The following PEBP4 variants were observed in gnomAD, a reference collection of about 807,000 sequenced individuals.
The protein encoded by PEBP4 is phosphatidylethanolamine-binding protein 4.
A neutral mutation model predicts 23.9 loss-of-function variants in PEBP4; 22 were observed. The observed-to-expected ratio is 0.92, with a 90% confidence interval of 0.66 to 1.31. The LOEUF (loss-of-function observed/expected upper bound fraction) is 1.31. Among genes scored for constraint, PEBP4 ranks in the 40% most tolerant of loss-of-function variants. The pLI, the probability that PEBP4 is intolerant of heterozygous loss-of-function variation, is 0.00. For missense variants in PEBP4, 324 were observed against 281.7 expected, an observed-to-expected ratio of 1.15 and a Z score of -1.07; for synonymous variants, 112 against 99.3, an observed-to-expected ratio of 1.13 and a Z score of -0.76.
intron 3 of PEBP4, among the ~76,000 whole-genome samples, chr8:22,897,376 A>T (rs1017044406): frequency 6.6e-6 from 1 of 152,186 alleles, no homozygotes; most frequent in African/African-American, 2.4e-5. Context: ...TGCTTGTCGA[A>T]GGAGAAGAGA....
At chr8:22,781,942 C>A (rs1239538632) in intron 4 of PEBP4, among the ~76,000 whole-genome samples, 1 of 152,230 alleles carries the variant, frequency 6.6e-6, no homozygotes, top group Admixed American at 6.5e-5. Context: ...ACCCACTCTG[C>A]CACCGTTCCC....
chr8:22,805,589 G>C (rs1047534186), intron 4 of PEBP4, among the ~76,000 whole-genome samples: 2 of 152,136 alleles, frequency 1.3e-5, no homozygotes, highest in African/African-American at 4.8e-5. Context: ...GCCTCCCAAA[G>C]TGCTGGGACT....
At chr8:22,719,043 C>T (rs1193523149) in intron 6 of PEBP4, among the ~76,000 whole-genome samples, 2 of 152,148 alleles carry the variant, frequency 1.3e-5, no homozygotes, top group Non-Finnish European at 2.9e-5. Context: ...AGACTTCAAC[C>T]CCCTATGTGG....
intron 3 of PEBP4, among the ~76,000 whole-genome samples, chr8:22,871,713 C>G (rs1808011260): frequency 6.6e-6 from 1 of 151,934 alleles, no homozygotes; most frequent in Admixed American, 6.6e-5. Flanking sequence ...TGCCACCATG[C>G]CCAGCTAATT....
At chr8:22,876,017 C>A (rs986876103) in intron 3 of PEBP4, among the ~76,000 whole-genome samples, 1 of 143,844 alleles carries the variant, frequency 7.0e-6, no homozygotes, top group African/African-American at 2.7e-5. Context: ...TCAAGTGATT[C>A]TTGCACTTCA....
intron 1 of PEBP4, among the ~76,000 whole-genome samples, chr8:22,937,177 T>C (rs752909102): frequency 6.6e-5 from 10 of 152,180 alleles, no homozygotes; most frequent in Non-Finnish European, 1.3e-4. Flanking sequence ...ATGACAATCT[T>C]ACATATAGAA....
At position 22,926,727 on chromosome 8, in the gene PEBP4, C is replaced by T. The variant is rs547492423; in HGVS notation, c.131+857G>A. 1.4e-4 allele frequency among the ~76,000 whole-genome samples: 21 copies of T among 152,242 alleles called. No individual in the cohort carries two copies. In the South Asian group the frequency reaches 2.5e-3, roughly 18 times the overall value. On this transcript the variant is annotated intron_variant, in intron 2 of 6. Transcript: ENST00000256404. ...TTATGGTTCTAAAAGTAATGTTTGT[C>T]AAAAATGTTTTAAATAAAATTAAAA...
intron 3 of PEBP4, among the ~76,000 whole-genome samples, chr8:22,866,626 C>A (rs929654249): frequency 1.3e-5 from 2 of 151,682 alleles, no homozygotes; most frequent in African/African-American, 4.9e-5. Flanking sequence ...AACTATATAG[C>A]CTTAAGGGGG....
At chr8:22,870,295 A>G (rs1017941801) in intron 3 of PEBP4, among the ~76,000 whole-genome samples, 1 of 152,262 alleles carries the variant, frequency 6.6e-6, no homozygotes, top group African/African-American at 2.4e-5. Flanking sequence ...GACGCAGAGG[A>G]ATCTTAAATG....
intron 4 of PEBP4, among the ~76,000 whole-genome samples, chr8:22,730,005 T>C (rs568099664): frequency 1.1e-4 from 16 of 152,238 alleles, no homozygotes; most frequent in Non-Finnish European, 1.9e-4. Context: ...AAATCCAGAA[T>C]GTTCAAGGAG....
rs190240037 is a variant in PEBP4, at chr8:22,823,067, G to C, written c.259-5332C>G. 4.3e-4 allele frequency among the ~76,000 whole-genome samples: 66 copies of C among 152,020 alleles called. 1 individual carries two copies. The highest frequency in any genetic ancestry group is 1.5e-3 in the African/African-American group (64 of 41,546). ...TTTTGGAGATATTAACATATCTTAA[G>C]CTACAATAATTAGAACAATATGGTG... On this transcript the variant is annotated intron_variant, in intron 3 of 6. Transcript: ENST00000256404.
chr8:22,726,231 A>G (rs1391590639), intron 5 of PEBP4, among the ~76,000 whole-genome samples: 1 of 152,156 alleles, frequency 6.6e-6, no homozygotes, highest in Admixed American at 6.5e-5. Flanking sequence ...GCTGAGAAAG[A>G]CTTCTGAGCA....
intron 3 of PEBP4, among the ~76,000 whole-genome samples, chr8:22,820,892 T>C (rs1413359564): frequency 2.6e-5 from 4 of 152,192 alleles, no homozygotes; most frequent in African/African-American, 7.2e-5. Context: ...GCAACTCATA[T>C]AATCAAATGT....
At chr8:22,922,767 A>C (rs1809237491) in intron 2 of PEBP4, among the ~76,000 whole-genome samples, 1 of 151,516 alleles carries the variant, frequency 6.6e-6, no homozygotes, top group Admixed American at 6.6e-5. Context: ...CAAAGGTGCC[A>C]CCTTCCTGTG....
intron 3 of PEBP4, among the ~76,000 whole-genome samples, chr8:22,905,734 C>T (rs1808798203): frequency 2.0e-5 from 3 of 152,210 alleles, no homozygotes; most frequent in Admixed American, 6.5e-5. Flanking sequence ...CTGCTGCTCC[C>T]ACCTCACAGG....
intron 3 of PEBP4, among the ~76,000 whole-genome samples, chr8:22,915,001 T>C (rs933586318): frequency 3.3e-5 from 5 of 152,054 alleles, no homozygotes; most frequent in Non-Finnish European, 7.4e-5. Context: ...AGAAATTATA[T>C]ACTCAACCTC....
chr8:22,737,286 C>G (rs111680057), intron 4 of PEBP4, among the ~76,000 whole-genome samples: 3 of 133,620 alleles, frequency 2.2e-5, no homozygotes, highest in African/African-American at 9.0e-5. Flanking sequence ...AGAGTTGAGA[C>G]TCCGTCTCAA....
intron 3 of PEBP4, among the ~76,000 whole-genome samples, chr8:22,823,235 G>A (rs748558011): frequency 2.4e-4 from 37 of 151,842 alleles, no homozygotes; most frequent in Non-Finnish European, 3.5e-4. Context: ...CAGATCAGTG[G>A]GGAAAAAATA....
intron 4 of PEBP4, among the ~76,000 whole-genome samples, chr8:22,763,908 C>T (rs1805559558): frequency 6.6e-6 from 1 of 152,138 alleles, no homozygotes; most frequent in Admixed American, 6.5e-5. Flanking sequence ...TGCATAATGC[C>T]AGGTGTGGAG....
Sources: gnomAD v4.1 joint callset for allele counts (sites outside exome capture counted in the v4.1 genomes callset) on GRCh38, gnomAD v4.1.1 for gene constraint, MANE v1.5 for transcripts, NCBI Gene and HGNC (gene_info 2026-07-23, HGNC 2026-07-21) for gene names.